RASEF: variants seen among roughly 807,000 people sequenced by gnomAD.
RASEF encodes ras and EF-hand domain-containing protein.
RASEF carries 68 observed loss-of-function variants against 90.1 expected under a neutral mutation model. That is an observed-to-expected ratio of 0.75 (90% CI 0.62 to 0.92). RASEF has a LOEUF of 0.92. Ranked by LOEUF, RASEF falls within the 40% of genes least tolerant of loss-of-function variation. The pLI, the probability that RASEF is intolerant of heterozygous loss-of-function variation, is 0.00. For synonymous variants in RASEF, 331 were observed against 345.2 expected (o/e 0.96, Z 0.46); for missense variants, 949 against 937.2 (o/e 1.01, Z -0.16).
intron 1 of RASEF, among the ~76,000 whole-genome samples, chr9:83,038,016 A>C (rs1829774468): frequency 6.6e-6 from 1 of 152,032 alleles, no homozygotes. Flanking sequence ...CATGAGAAAG[A>C]TCTTTTGAGG....
At chr9:83,095,097 G>A in the RASEF span, among the ~76,000 whole-genome samples, 7 of 152,156 alleles carry the variant, frequency 4.6e-5, no homozygotes, top group Non-Finnish European at 8.8e-5. Flanking sequence ...ATGCTACCTG[G>A]GGAGGAAGAA....
chr9:83,001,709 G>A (rs1587485323), intron 9 of RASEF, among the ~76,000 whole-genome samples: 1 of 152,162 alleles, frequency 6.6e-6, no homozygotes, highest in East Asian at 1.9e-4. Flanking sequence ...CTCTCAGGTT[G>A]CACAAGACAA....
In RASEF at chr9:83,062,868, C is replaced by G; in HGVS notation, c.-1G>C. 1 of 1,504,022 alleles carries G rather than the reference C, an allele frequency of 6.6e-7. No individual in the cohort carries two copies. Among genetic ancestry groups the G allele is most frequent in the Non-Finnish European group, 8.8e-7 (1 of 1,136,772 alleles). The allele number at this position is 1,504,022 out of a possible 1,614,324, so 93.2% of individuals were successfully genotyped here. A position where few individuals can be genotyped will look rare whatever the true frequency, so the allele number is the denominator to read the frequency against. On this transcript the variant is annotated 5_prime_UTR_variant, in exon 1 of 17. Transcript: ENST00000376447. Reference sequence around the variant, plus strand: ...CCTCTCCGTCCCCATCCGCCTCCATCCCGCCTGGCGGGGGCGGCCGAGAGG... The same window carrying G: ...CCTCTCCGTCCCCATCCGCCTCCATGCCGCCTGGCGGGGGCGGCCGAGAGG...
At chr9:83,007,358 C>G in intron 7 of RASEF, 79 bp downstream of exon 7, 1 of 1,138,908 alleles carries the variant, frequency 8.8e-7, no homozygotes, top group Non-Finnish European at 1.3e-6. Context: ...TGGCAACTCA[C>G]GTTCTATGTG....
chr9:83,203,758 C>T, the RASEF span, among the ~76,000 whole-genome samples: 1 of 152,014 alleles, frequency 6.6e-6, no homozygotes, highest in Non-Finnish European at 1.5e-5. Context: ...TGGGTGGGCA[C>T]TCCAGTCAGG....
At chr9:83,047,019 A>G (rs1446395815) in intron 1 of RASEF, among the ~76,000 whole-genome samples, 1 of 152,210 alleles carries the variant, frequency 6.6e-6, no homozygotes, top group East Asian at 1.9e-4. Flanking sequence ...ATACTTTTAC[A>G]GTTGTAAATG....
intron 7 of RASEF, among the ~76,000 whole-genome samples, 199 bp from the exon 8 acceptor site, chr9:83,005,699 T>C (rs1013696535): frequency 6.6e-6 from 1 of 152,228 alleles, no homozygotes; most frequent in African/African-American, 2.4e-5. Context: ...TGATTACTCC[T>C]CTCTCTTTAA....
At chr9:82,983,144 CACACACA>C (rs1752851114) in intron 16 of RASEF, among the ~76,000 whole-genome samples, 2 of 151,354 alleles carry the variant, frequency 1.3e-5, no homozygotes, top group African/African-American at 4.9e-5. Flanking sequence ...CACACACACA[CACACACA>C]CACACCCTTC....
chr9:83,028,664 T>G (rs976054703), intron 1 of RASEF, among the ~76,000 whole-genome samples: 1 of 152,204 alleles, frequency 6.6e-6, no homozygotes, highest in Non-Finnish European at 1.5e-5. Flanking sequence ...AATTTATAAT[T>G]GTAATAAAAA....
At chr9:83,029,000 G>A (rs1829595323) in intron 1 of RASEF, among the ~76,000 whole-genome samples, 1 of 152,104 alleles carries the variant, frequency 6.6e-6, no homozygotes, top group African/African-American at 2.4e-5. Flanking sequence ...AACCAACCCT[G>A]CTGATACAGT....
chr9:83,043,683 G>A (rs1407422362), intron 1 of RASEF, among the ~76,000 whole-genome samples: 2 of 152,132 alleles, frequency 1.3e-5, no homozygotes, highest in African/African-American at 4.8e-5. Context: ...TTTGAAGTCA[G>A]CGAAGTTTAT....
At chr9:83,066,316 C>T (rs897613550), upstream of RASEF, among the ~76,000 whole-genome samples, 4 of 152,152 alleles carry the variant, frequency 2.6e-5, no homozygotes, top group East Asian at 1.9e-4. Context: ...TTTCTACAAA[C>T]GTTTACACAA....
chr9:83,074,557 A>T, the RASEF span, among the ~76,000 whole-genome samples: 1 of 152,234 alleles, frequency 6.6e-6, no homozygotes, highest in South Asian at 2.1e-4. Flanking sequence ...TTTTATGTTT[A>T]AAAAAAATCA....
chr9:83,107,856 G>A, the RASEF span, among the ~76,000 whole-genome samples: 9 of 152,200 alleles, frequency 5.9e-5, no homozygotes, highest in African/African-American at 1.4e-4. Context: ...TTGTTTAAAC[G>A]AGCAGTGTCT....
At chr9:83,199,466 A>G in the RASEF span, among the ~76,000 whole-genome samples, 1 of 152,174 alleles carries the variant, frequency 6.6e-6, no homozygotes, top group Non-Finnish European at 1.5e-5. Context: ...CCAGAATGAG[A>G]CTGTCATGTA....
Position 83,062,922 on chromosome 9 carries a change from C to T in RASEF, c.-55G>A, listed in dbSNP as rs543972000. The T allele has an allele frequency of 2.9e-6, 4 of 1,375,732 alleles. No individual in the cohort carries two copies. The Admixed American group carries it at 1.2e-4, about 40-fold the overall frequency. 85.2% of individuals were successfully genotyped at this position (1,375,732 alleles called of 1,614,324 possible). ...CCGGAGCGCCGCGGGGCGCAGGGCCCTCCCTGGAAGGACGGGGCCACCTGC... is the reference window on the plus strand; with the variant it reads ...CCGGAGCGCCGCGGGGCGCAGGGCCTTCCCTGGAAGGACGGGGCCACCTGC... On this transcript the variant is annotated 5_prime_UTR_variant, in exon 1 of 17. Coordinates refer to ENST00000376447, the MANE Select transcript of RASEF (RefSeq NM_152573.4).
Position 83,015,790 on chromosome 9 carries a change from CTGCCACA to C in RASEF, c.765+8_765+14del, listed in dbSNP as rs1278530414. 2.5e-6 allele frequency: 4 copies of C among 1,589,374 alleles called. No homozygotes were observed. Among genetic ancestry groups the C allele is most frequent in the Middle Eastern group, 1.7e-4 (1 of 6,026 alleles). Reference sequence around the variant, plus strand: ...GCTGAGGCTGTTCCTACAAGTCCAGCTGCCACATGCCTACCTTTCTTAGCTTTTTAAT... The same window carrying C: ...GCTGAGGCTGTTCCTACAAGTCCAGCTGCCTACCTTTCTTAGCTTTTTAAT... On this transcript the variant is annotated splice_region_variant and intron_variant, in intron 4 of 16. Transcript: ENST00000376447.
chr9:83,004,898 T>C (rs113790927), intron 8 of RASEF, among the ~76,000 whole-genome samples: 95 of 152,330 alleles, frequency 6.2e-4, no homozygotes, highest in African/African-American at 2.3e-3. Flanking sequence ...TCCTTGAATG[T>C]GTCTCTTCTT....
the RASEF span, among the ~76,000 whole-genome samples, chr9:83,136,577 A>T: frequency 6.6e-6 from 1 of 152,144 alleles, no homozygotes; most frequent in Non-Finnish European, 1.5e-5. Flanking sequence ...ATATGTACCA[A>T]TTCTACTACG....
Sources: allele counts gnomAD v4.1 joint callset (sites outside exome capture counted in the v4.1 genomes callset), GRCh38; gene constraint gnomAD v4.1.1; transcripts MANE v1.5; gene names NCBI Gene and HGNC (gene_info 2026-07-23, HGNC 2026-07-21).